BNC2: variants seen among roughly 807,000 people sequenced by gnomAD.
BNC2 encodes basonuclin zinc finger protein 2, also known as zinc finger protein basonuclin-2.
Under a neutral mutation model 76.3 loss-of-function variants are expected in BNC2, and 20 were observed. The observed-to-expected ratio is 0.26, with a 90% CI of 0.18 to 0.38. The LOEUF (loss-of-function observed/expected upper bound fraction) is 0.38. Among genes scored for constraint, BNC2 ranks in the 10% least tolerant of loss-of-function variants. The pLI is 1.00. For missense variants in BNC2, 1,382 were observed against 1,399.8 expected (o/e 0.99, Z 0.20); for synonymous variants, 582 against 514.8 (o/e 1.13, Z -1.77).
intron 3 of BNC2, among the ~76,000 whole-genome samples, chr9:16,644,908 G>C (rs933496660): frequency 1.3e-5 from 2 of 152,140 alleles, no homozygotes; most frequent in African/African-American, 4.8e-5. Flanking sequence ...AAGTTTGAAA[G>C]AAACTAGAAA....
intron 5 of BNC2, among the ~76,000 whole-genome samples, chr9:16,531,862 A>C (rs1055024444): frequency 6.6e-6 from 1 of 152,126 alleles, no homozygotes; most frequent in Non-Finnish European, 1.5e-5. Context: ...TGCTTGACTA[A>C]CACCACCGAT....
chr9:16,735,395 T>TA (rs1563920096), intron 2 of BNC2, among the ~76,000 whole-genome samples: 2 of 3,978 alleles, frequency 5.0e-4, no homozygotes, highest in Non-Finnish European at 6.4e-4. Context: ...TTAAATGAAT[T>TA]TAAAAAAAAA....
chr9:16,717,284 A>G (rs1161060122), intron 3 of BNC2, among the ~76,000 whole-genome samples: 1 of 152,204 alleles, frequency 6.6e-6, no homozygotes, highest in Non-Finnish European at 1.5e-5. Flanking sequence ...TTTCTTTAAA[A>G]TGCCTTGTTG....
chr9:16,480,621 T>C (rs1437001332), intron 5 of BNC2, among the ~76,000 whole-genome samples: 1 of 152,196 alleles, frequency 6.6e-6, no homozygotes, highest in Non-Finnish European at 1.5e-5. Flanking sequence ...CCGGCCCTGC[T>C]GGACCGGGCA....
intron 3 of BNC2, among the ~76,000 whole-genome samples, chr9:16,670,924 T>C (rs1822458362): frequency 6.6e-6 from 1 of 152,134 alleles, no homozygotes; most frequent in South Asian, 2.1e-4. Context: ...CCCCCACTGA[T>C]CGCTAATTAG....
intron 3 of BNC2, among the ~76,000 whole-genome samples, chr9:16,646,637 A>T (rs1255701736): frequency 6.6e-6 from 1 of 152,160 alleles, no homozygotes; most frequent in Non-Finnish European, 1.5e-5. Flanking sequence ...GGGTAAAGAA[A>T]ATGATACGTA....
chr9:16,643,473 G>A (rs559151670), intron 3 of BNC2, among the ~76,000 whole-genome samples: 1 of 152,030 alleles, frequency 6.6e-6, no homozygotes. Flanking sequence ...TTCAACCTTG[G>A]CTATACATTT....
At chr9:16,779,965 G>A (rs1291599266) in intron 1 of BNC2, among the ~76,000 whole-genome samples, 6 of 152,152 alleles carry the variant, frequency 3.9e-5, no homozygotes, top group Admixed American at 1.3e-4. Flanking sequence ...GGCCGGGCGT[G>A]GTGGCTCACG....
At chr9:16,811,552 C>CAAAAAAAAAA (rs1179927173) in intron 1 of BNC2, among the ~76,000 whole-genome samples, 2 of 58,050 alleles carry the variant, frequency 3.4e-5, no homozygotes, top group Non-Finnish European at 5.7e-5. Flanking sequence ...AACTCCATCT[C>CAAAAAAAAAA]AAAAAAAAAA....
At position 16,855,665 on chromosome 9, in the gene BNC2, G is replaced by A. The variant is rs369652288; in HGVS notation, c.3+14981C>T. 2.0e-5 allele frequency among the ~76,000 whole-genome samples: 3 copies of A among 151,388 alleles called. No individual in the cohort carries two copies. In the East Asian group the frequency reaches 5.8e-4, roughly 30 times the overall value. On this transcript the variant is annotated intron_variant, in intron 1 of 6. Transcript: ENST00000380672. ...CCATTCTCCTGCCTCAGCCTCCCAC[G>A]TAGCTGGGACTACAGGCGCCCGCGA... is the stretch of plus-strand genomic sequence containing the variant.
chr9:16,715,421 G>A (rs1823971470), intron 3 of BNC2, among the ~76,000 whole-genome samples: 1 of 152,154 alleles, frequency 6.6e-6, no homozygotes, highest in Non-Finnish European at 1.5e-5. Context: ...TTCCCAAGAT[G>A]AATGATCACA....
At chr9:16,689,004 G>A (rs1328064292) in intron 3 of BNC2, among the ~76,000 whole-genome samples, 4 of 152,026 alleles carry the variant, frequency 2.6e-5, no homozygotes, top group African/African-American at 9.7e-5. Context: ...CTCCCCTCAG[G>A]AGAATTCAAC....
intron 5 of BNC2, among the ~76,000 whole-genome samples, chr9:16,468,271 G>T (rs1821738310): frequency 6.6e-6 from 1 of 151,932 alleles, no homozygotes; most frequent in Non-Finnish European, 1.5e-5. Context: ...TTCCTTGACT[G>T]CCCAAGACAC....
At chr9:16,690,462 T>TATAC (rs138085453) in intron 3 of BNC2, among the ~76,000 whole-genome samples, 363 of 151,716 alleles carry the variant, frequency 2.4e-3, no homozygotes, top group South Asian at 4.6e-3. Flanking sequence ...GTCTCAAATA[T>TATAC]ATACATACAT....
intron 5 of BNC2, among the ~76,000 whole-genome samples, chr9:16,544,376 C>T (rs1818409003): frequency 2.0e-5 from 3 of 151,734 alleles, no homozygotes; most frequent in African/African-American, 7.3e-5. Context: ...TTATTTTATG[C>T]GATAAGGTGC....
At chr9:16,434,634 C>T (rs910080590) in intron 6 of BNC2, among the ~76,000 whole-genome samples, 1 of 152,168 alleles carries the variant, frequency 6.6e-6, no homozygotes, top group Non-Finnish European at 1.5e-5. Flanking sequence ...CTGCCACTGA[C>T]CACCTTGACA....
intron 3 of BNC2, among the ~76,000 whole-genome samples, chr9:16,668,507 A>G (rs1293467050): frequency 6.6e-6 from 1 of 152,240 alleles, no homozygotes; most frequent in East Asian, 1.9e-4. Flanking sequence ...AAACATACTT[A>G]ACAACGTCAG....
intron 1 of BNC2, among the ~76,000 whole-genome samples, chr9:16,800,000 A>AG (rs1817743217): frequency 6.6e-6 from 1 of 152,078 alleles, no homozygotes; most frequent in African/African-American, 2.4e-5. Flanking sequence ...ACAGGTGGGC[A>AG]GATCACCTGA....
rs182906038 is a variant in BNC2, at chr9:16,753,565, T to C, written c.4-15080A>G. On this transcript the variant is annotated intron_variant, in intron 1 of 6. Coordinates refer to ENST00000380672, the MANE Select transcript of BNC2 (RefSeq NM_017637.6). ...GTGTTCACTATTGCATCAAAACAAA[T>C]TGTATGGCAAGGGGTAAACAGACTC... 1.0e-3 allele frequency among the ~76,000 whole-genome samples: 152 copies of C among 152,268 alleles called. 3 individuals are homozygous for C. In the East Asian group the frequency reaches 0.015, roughly 15 times the overall value.
Sources: allele counts gnomAD v4.1 joint callset (sites outside exome capture counted in the v4.1 genomes callset), GRCh38; gene constraint gnomAD v4.1.1; transcripts MANE v1.5; gene names NCBI Gene and HGNC (gene_info 2026-07-23, HGNC 2026-07-21).